Variants in NEO1 observed in about 807,000 individuals in gnomAD.
The protein encoded by NEO1 is neogenin.
NEO1 carries 63 observed loss-of-function variants against 159.7 expected under a neutral mutation model. That is an observed-to-expected ratio of 0.39 (90% confidence interval 0.32 to 0.49). The LOEUF (loss-of-function observed/expected upper bound fraction) is 0.49. Among genes scored for constraint, NEO1 ranks in the 20% least tolerant of loss-of-function variants. NEO1 has a pLI of 0.85. For missense variants in NEO1, 1,615 were observed against 1,831.0 expected (o/e 0.88, Z 2.15); for synonymous variants, 633 against 662.0 (o/e 0.96, Z 0.67).
chr15:73,278,505 T>G (rs558758538), intron 22 of NEO1, among the ~76,000 whole-genome samples: 1 of 152,348 alleles, frequency 6.6e-6, no homozygotes, highest in African/African-American at 2.4e-5. Flanking sequence ...CTAGTGGGAT[T>G]AGCCACCATC....
At chr15:73,100,525 G>A (rs1279295158) in intron 1 of NEO1, among the ~76,000 whole-genome samples, 1 of 151,888 alleles carries the variant, frequency 6.6e-6, no homozygotes, top group Non-Finnish European at 1.5e-5. Context: ...TGTAGAGATG[G>A]GGTTTCGGCA....
rs561739857 is a variant in NEO1, at chr15:73,131,165, C to T, written c.878+4595C>T. ...GTCATAACATAGTACCTAAAATATC[C>T]AGGTTTCAGTTGAATGTAATGCATC... On this transcript the variant is annotated intron_variant, in intron 4 of 28. Transcript: ENST00000261908. Among the ~76,000 whole-genome samples, 7 of 152,164 alleles carry T rather than the reference C, an allele frequency of 4.6e-5. No individual in the cohort carries two copies. The East Asian group carries it at 1.2e-3, about 25-fold the overall frequency.
rs1277403849 is a variant in NEO1 at position 73,066,308 on chromosome 15, C to T, written c.130+13503C>T. Among the ~76,000 whole-genome samples the T allele has an allele frequency of 2.7e-5, 4 of 148,754 alleles. No homozygotes were observed. The East Asian group carries it at 5.8e-4, about 22-fold the overall frequency. Reference sequence around the variant, plus strand: ...TGCTGGGATTACAGGCTTGAGCCACCGCACCTGGCCTCTTTTTTTTTTTTT... The same window carrying T: ...TGCTGGGATTACAGGCTTGAGCCACTGCACCTGGCCTCTTTTTTTTTTTTT... On this transcript the variant is annotated intron_variant, in intron 1 of 28. Transcript: ENST00000261908.
chr15:73,238,290 T>TG (rs2039303597), intron 8 of NEO1, among the ~76,000 whole-genome samples: 2 of 144,336 alleles, frequency 1.4e-5, no homozygotes, highest in African/African-American at 5.1e-5. Flanking sequence ...TTTTTTTTTT[T>TG]TTTTTTTTTT....
intron 23 of NEO1, among the ~76,000 whole-genome samples, chr15:73,284,023 G>T (rs2151100010): frequency 6.6e-6 from 1 of 152,278 alleles, no homozygotes; most frequent in East Asian, 1.9e-4. Flanking sequence ...GATTTTGAGG[G>T]TTGTGGCTAA....
At chr15:73,274,848 A>C in intron 21 of NEO1, 124 bp downstream of exon 21, 1 of 907,704 alleles carries the variant, frequency 1.1e-6, no homozygotes. Flanking sequence ...AAAGCCACAC[A>C]GTTATTGGCC....
intron 1 of NEO1, among the ~76,000 whole-genome samples, chr15:73,097,030 C>T (rs115173161): frequency 1.3e-5 from 2 of 151,894 alleles, no homozygotes; most frequent in East Asian, 1.9e-4. Context: ...GAGATTGAGG[C>T]GGAAGGATCA....
intron 26 of NEO1, among the ~76,000 whole-genome samples, chr15:73,297,742 T>C (rs1025958343): frequency 2.6e-5 from 4 of 152,262 alleles, no homozygotes; most frequent in African/African-American, 9.6e-5. Flanking sequence ...GAATCAAAAA[T>C]GCCCTTCATT....
At position 73,128,240 on chromosome 15, in the gene NEO1, AT is replaced by A. The variant is rs768437291; in HGVS notation, c.878+1685del. ...ATAAGCAAAGAATTTATAAGACTTCATTTTTTTTTTTTTTTGCCAACTGAAA... is the reference window on the plus strand; with the variant it reads ...ATAAGCAAAGAATTTATAAGACTTCATTTTTTTTTTTTTTGCCAACTGAAA... On this transcript the variant is annotated intron_variant, in intron 4 of 28. Transcript: ENST00000261908. Among the ~76,000 whole-genome samples the A allele has an allele frequency of 3.7e-3, 518 of 139,802 alleles. 1 individual carries two copies. The highest frequency in any genetic ancestry group is 0.011 in the Middle Eastern group (3 of 268). 91.7% of individuals were successfully genotyped at this position (139,802 alleles called of 152,430 possible). A position where few individuals can be genotyped will look rare whatever the true frequency, so the allele number is the denominator to read the frequency against.
intron 22 of NEO1, among the ~76,000 whole-genome samples, chr15:73,278,626 A>T (rs2041529260): frequency 6.6e-6 from 1 of 152,200 alleles, no homozygotes; most frequent in Non-Finnish European, 1.5e-5. Flanking sequence ...TCTCCTAGCC[A>T]TCCTGAGAGC....
chr15:73,277,913 G>T (rs140620575), intron 21 of NEO1, among the ~76,000 whole-genome samples: 1 of 152,168 alleles, frequency 6.6e-6, no homozygotes, highest in African/African-American at 2.4e-5. Context: ...TGAGACAAGC[G>T]TGTCAGTCTT....
chr15:73,151,145 G>A (rs1759250487), intron 5 of NEO1, among the ~76,000 whole-genome samples: 1 of 152,106 alleles, frequency 6.6e-6, no homozygotes, highest in Non-Finnish European at 1.5e-5. Flanking sequence ...AGTCATCCTG[G>A]TAGGTGTATA....
At chr15:73,259,629 C>A (rs114920954) in intron 14 of NEO1, among the ~76,000 whole-genome samples, 1 of 152,098 alleles carries the variant, frequency 6.6e-6, no homozygotes. Context: ...GCTGGGACAA[C>A]AGACATGAGC....
intron 7 of NEO1, among the ~76,000 whole-genome samples, chr15:73,214,646 A>G (rs576516640): frequency 6.6e-6 from 1 of 152,206 alleles, no homozygotes; most frequent in East Asian, 1.9e-4. Flanking sequence ...CTATTTTTTT[A>G]GCAGTACCAT....
At chr15:73,060,802 A>C (rs1023035707) in intron 1 of NEO1, among the ~76,000 whole-genome samples, 1 of 151,020 alleles carries the variant, frequency 6.6e-6, no homozygotes. Context: ...ATGCCTCACC[A>C]TGCCCAGCTA....
At chr15:73,143,403 C>G (rs747066436) in intron 5 of NEO1, 2 of 156,890 alleles carry the variant, frequency 1.3e-5, no homozygotes, top group African/African-American at 4.8e-5. Flanking sequence ...GCCTAGCACA[C>G]ACTTAAAGGG....
At chr15:73,090,514 T>C (rs1267118279) in intron 1 of NEO1, among the ~76,000 whole-genome samples, 2 of 152,188 alleles carry the variant, frequency 1.3e-5, no homozygotes, top group East Asian at 3.8e-4. Flanking sequence ...TAGGCATATA[T>C]TGAATTTTTT....
intron 5 of NEO1, among the ~76,000 whole-genome samples, chr15:73,168,389 G>T (rs1361833456): frequency 1.1e-4 from 12 of 107,198 alleles, no homozygotes; most frequent in South Asian, 4.5e-4. Flanking sequence ...TGGGGGGGGG[G>T]GGTCTCACCA....
chr15:73,097,993 A>T (rs908581789), intron 1 of NEO1, among the ~76,000 whole-genome samples: 1 of 152,040 alleles, frequency 6.6e-6, no homozygotes, highest in Non-Finnish European at 1.5e-5. Context: ...CTTTAATGTT[A>T]CTGATTTTTA....
Sources: allele counts gnomAD v4.1 joint callset (sites outside exome capture counted in the v4.1 genomes callset), GRCh38; gene constraint gnomAD v4.1.1; transcripts MANE v1.5; gene names NCBI Gene and HGNC (gene_info 2026-07-23, HGNC 2026-07-21).